Variants in HYDIN observed in about 807,000 individuals in gnomAD.
The protein encoded by HYDIN is axonemal central pair apparatus protein HYDIN.
Under a neutral mutation model 403.9 loss-of-function variants are expected in HYDIN, and 132 were observed. The observed-to-expected ratio is 0.33, with a 90% CI of 0.28 to 0.38. The LOEUF is 0.38. Ranked by LOEUF, HYDIN falls within the 10% of genes least tolerant of loss-of-function variation. The pLI, the probability that HYDIN is intolerant of heterozygous loss-of-function variation, is 1.00. For missense variants in HYDIN, 2,827 were observed against 5,009.5 expected, an observed-to-expected ratio of 0.56 and a Z score of 13.15; for synonymous variants, 1,202 against 1,891.7, an observed-to-expected ratio of 0.64 and a Z score of 9.46.
chr16:71,053,799 G>A (rs1240129470), intron 18 of HYDIN, among the ~76,000 whole-genome samples: 1 of 151,972 alleles, frequency 6.6e-6, no homozygotes, highest in East Asian at 1.9e-4. Context: ...TTTAAGTAAA[G>A]GATCTGAGGT....
chr16:70,833,335 C>T (rs1489023470), intron 79 of HYDIN, among the ~76,000 whole-genome samples: 2 of 143,420 alleles, frequency 1.4e-5, no homozygotes, highest in Admixed American at 6.9e-5. Flanking sequence ...ACGAGTGACA[C>T]ATCAGGGAAC....
chr16:70,951,490 A>C (rs2078073579), intron 41 of HYDIN, among the ~76,000 whole-genome samples: 1 of 151,808 alleles, frequency 6.6e-6, no homozygotes, highest in South Asian at 2.1e-4. Context: ...TGCCTCCTAC[A>C]TGCATTACAG....
chr16:71,194,301 C>T (rs1647049906), intron 1 of HYDIN, among the ~76,000 whole-genome samples: 2 of 152,146 alleles, frequency 1.3e-5, no homozygotes, highest in African/African-American at 4.8e-5. Flanking sequence ...ATCCCAGCTA[C>T]TCAGGGGGCT....
intron 8 of HYDIN, chr16:71,132,805 A>C (rs1411473210): frequency 1.3e-5 from 2 of 151,840 alleles, no homozygotes; most frequent in East Asian, 3.9e-4. Context: ...AATTGGAGCC[A>C]GGACTGAGAG....
intron 5 of HYDIN, among the ~76,000 whole-genome samples, chr16:71,163,407 G>A (rs1412552782): frequency 6.6e-6 from 1 of 152,202 alleles, no homozygotes; most frequent in African/African-American, 2.4e-5. Context: ...ACAGGCGTGA[G>A]CCACCGCGCC....
At chr16:70,880,438 G>C (rs1198646092) in intron 60 of HYDIN, among the ~76,000 whole-genome samples, 1 of 150,480 alleles carries the variant, frequency 6.6e-6, no homozygotes, top group Non-Finnish European at 1.5e-5. Flanking sequence ...ATGAGAGAAT[G>C]GAGCAGTGGA....
intron 8 of HYDIN, among the ~76,000 whole-genome samples, chr16:71,130,611 C>G (rs2084673104): frequency 6.6e-6 from 1 of 151,272 alleles, no homozygotes; most frequent in Non-Finnish European, 1.5e-5. Context: ...CCTCAGCCTC[C>G]CGAGTAGCTG....
chr16:71,217,972 A>G (rs1453484680), intron 1 of HYDIN, among the ~76,000 whole-genome samples: 1 of 152,226 alleles, frequency 6.6e-6, no homozygotes, highest in East Asian at 1.9e-4. Context: ...TGAGGGGATC[A>G]GTCAATAAGG....
At chr16:70,865,725 T>G (rs1597161806) in intron 67 of HYDIN, among the ~76,000 whole-genome samples, 1 of 152,112 alleles carries the variant, frequency 6.6e-6, no homozygotes, top group South Asian at 2.1e-4. Flanking sequence ...GGGCATATTC[T>G]CTGCAGGGAC....
intron 12 of HYDIN, among the ~76,000 whole-genome samples, chr16:71,084,445 G>A (rs904636055): frequency 2.7e-5 from 4 of 149,088 alleles, no homozygotes; most frequent in African/African-American, 1.0e-4. Flanking sequence ...GCAGTGCAGT[G>A]GCACAATCTC....
At chr16:70,925,135 G>A (rs778671649) in intron 45 of HYDIN, among the ~76,000 whole-genome samples, 3 of 151,992 alleles carry the variant, frequency 2.0e-5, no homozygotes, top group Non-Finnish European at 4.4e-5. Flanking sequence ...TCTCTGGAGG[G>A]AGACAACATC....
Position 70,933,226 on chromosome 16 carries a change from G to A in HYDIN, c.7158+2726C>T, listed in dbSNP as rs552449798. 3.3e-5 allele frequency among the ~76,000 whole-genome samples: 5 copies of A among 152,280 alleles called. No homozygotes were observed. The East Asian group carries it at 5.8e-4, about 18-fold the overall frequency. On this transcript the variant is annotated intron_variant, in intron 45 of 85. Coordinates refer to ENST00000393567, the MANE Select transcript of HYDIN (RefSeq NM_001270974.2). ...GACGGGCTTGAGAACAATTTAGGAGGGGGACTCCCTCACAGGGCTCCTGGT... is the reference window on the plus strand; with the variant it reads ...GACGGGCTTGAGAACAATTTAGGAGAGGGACTCCCTCACAGGGCTCCTGGT...
Position 70,834,087 on chromosome 16 carries a change from C to T in HYDIN, c.13479G>A (p.Pro4493=), listed in dbSNP as rs199759226. Residue 4493 remains proline, a synonymous_variant, in exon 79 of 86, where the codon CCG becomes CCA. Coordinates refer to ENST00000393567, the MANE Select transcript of HYDIN (RefSeq NM_001270974.2). ...CAGAGAAGGGAGGGACACGCTTCTT[C>T]GGGGCAAAGATGACTTCCAGTTTAC... ...EVCKLEVIFA[P]KKRVPPFSEE... 17,512 of 1,604,480 alleles carry T rather than the reference C, an allele frequency of 0.011. 172 individuals carry two copies. Among genetic ancestry groups the T allele is most frequent in the Middle Eastern group, 0.088 (529 of 6,038 alleles).
Position 70,810,061 on chromosome 16 carries a change from C to T in HYDIN, c.14659-54G>A. 3.3e-6 allele frequency: 5 copies of T among 1,520,928 alleles called. No individual in the cohort carries two copies. The Admixed American group carries it at 8.4e-5, about 26-fold the overall frequency. 94.2% of individuals were successfully genotyped at this position (1,520,928 alleles called of 1,614,324 possible). A position where few individuals can be genotyped will look rare whatever the true frequency, so the allele number is the denominator to read the frequency against. On this transcript the variant is annotated intron_variant, in intron 84 of 85. Coordinates refer to ENST00000393567, the MANE Select transcript of HYDIN (RefSeq NM_001270974.2). ...TGCTGAAAGGCTAATTCATCACCTG[C>T]CACCTAGAGACCTGCCCAAGGCTCC...
chr16:71,152,909 A>C, intron 6 of HYDIN, 126 bp from the exon 7 acceptor site: 1 of 628,436 alleles, frequency 1.6e-6, no homozygotes, highest in Non-Finnish European at 2.8e-6. Context: ...CATGATCTAG[A>C]AGTGAAGTAG....
At chr16:71,157,865 G>C (rs1305194366) in intron 6 of HYDIN, among the ~76,000 whole-genome samples, 1 of 144,612 alleles carries the variant, frequency 6.9e-6, no homozygotes, top group Non-Finnish European at 1.5e-5. Flanking sequence ...CAAAAGGAGA[G>C]GAGGAAGTGT....
chr16:71,118,354 C>G (rs1395614372), intron 9 of HYDIN, among the ~76,000 whole-genome samples: 2 of 149,736 alleles, frequency 1.3e-5, no homozygotes, highest in African/African-American at 2.5e-5. Flanking sequence ...GTTCTACCCC[C>G]ACCCAAACCA....
chr16:71,113,966 T>C (rs2083924828), intron 10 of HYDIN: 1 of 151,118 alleles, frequency 6.6e-6, no homozygotes, highest in Non-Finnish European at 1.5e-5. Context: ...GATTGCCTGA[T>C]GTTTCCTCCT....
chr16:70,831,141 C>T (rs950796273), intron 80 of HYDIN, among the ~76,000 whole-genome samples: 4 of 150,584 alleles, frequency 2.7e-5, no homozygotes, highest in South Asian at 2.1e-4. Context: ...TGGCTGAAAT[C>T]AACAAGAAAT....
Sources: gnomAD v4.1 joint callset for allele counts (sites outside exome capture counted in the v4.1 genomes callset) on GRCh38, gnomAD v4.1.1 for gene constraint, MANE v1.5 for transcripts, NCBI Gene and HGNC (gene_info 2026-07-23, HGNC 2026-07-21) for gene names.